The following WDR62 variants were observed in gnomAD, a reference collection of about 807,000 sequenced individuals.
WDR62 encodes the protein WD repeat-containing protein 62.
Under a neutral mutation model 160.6 loss-of-function variants are expected in WDR62, and 112 were observed. The observed-to-expected ratio is 0.70, with a 90% confidence interval of 0.60 to 0.82. The LOEUF (loss-of-function observed/expected upper bound fraction) is 0.82, where lower values mean the gene tolerates loss of function less well. Ranked by LOEUF, WDR62 falls within the 40% of genes least tolerant of loss-of-function variation. WDR62 has a pLI of 0.00. For missense variants in WDR62, 1,819 were observed against 1,983.8 expected, an observed-to-expected ratio of 0.92 and a Z score of 1.58; for synonymous variants, 792 against 815.1, an observed-to-expected ratio of 0.97 and a Z score of 0.48.
chr19:36,089,793 G>A (rs1972479082), intron 15 of WDR62, among the ~76,000 whole-genome samples: 1 of 152,210 alleles, frequency 6.6e-6, no homozygotes, highest in Admixed American at 6.5e-5. Flanking sequence ...TGGCCTCCAG[G>A]TCAGCAGAGG....
rs889987011 is a variant in WDR62 at position 36,093,126 on chromosome 19, T to A, written c.2333+315T>A. On this transcript the variant is annotated intron_variant, in intron 19 of 31. Transcript: ENST00000401500. ...TGCTGGGATCACAGGTGTGAGCCAC[T>A]GCACCCGGCTATGAGAAGGGTATTA... Among the ~76,000 whole-genome samples, 5 of 152,218 alleles carry A rather than the reference T, an allele frequency of 3.3e-5. No individual in the cohort carries two copies. The South Asian group carries it at 8.3e-4, about 25-fold the overall frequency.
chr19:36,094,199 T>C, intron 20 of WDR62, 35 bp downstream of exon 20: 1 of 1,609,146 alleles, frequency 6.2e-7, no homozygotes, highest in Non-Finnish European at 8.5e-7. Context: ...ACTATGTCAG[T>C]GTAGGGAATC....
chr19:36,088,962 C>G, intron 13 of WDR62, 76 bp from the exon 14 acceptor site: 1 of 1,516,078 alleles, frequency 6.6e-7, no homozygotes, highest in Non-Finnish European at 9.1e-7. Flanking sequence ...ATGGCTCTTG[C>G]AGTGGAGTTC....
chr19:36,062,649 C>CAAAAAAAAAAAAAAAAAA (rs1167386837), intron 3 of WDR62: 2 of 39,460 alleles, frequency 5.1e-5, no homozygotes, highest in African/African-American at 2.4e-4. Context: ...GAGTCCGTCT[C>CAAAAAAAAAAAAAAAAAA]AAAAAAAAAA....
At chr19:36,093,493 C>T (rs1018732970) in intron 19 of WDR62, among the ~76,000 whole-genome samples, 2 of 152,172 alleles carry the variant, frequency 1.3e-5, no homozygotes, top group African/African-American at 2.4e-5. Flanking sequence ...TTCTTCTCTT[C>T]TGCTGCTGGG....
downstream of WDR62, among the ~76,000 whole-genome samples, chr19:36,109,164 C>A (rs1304044765): frequency 3.3e-5 from 5 of 152,170 alleles, no homozygotes; most frequent in African/African-American, 1.2e-4. Flanking sequence ...AAGAAATACT[C>A]CTCTCACCAG....
Position 36,055,040 on chromosome 19 carries a change from G to T in WDR62, c.69G>T (p.Ala23=). The change falls in exon 1 of 32, where the codon GCG becomes GCT. Residue 23 remains alanine, a synonymous_variant. Coordinates refer to ENST00000401500, the MANE Select transcript of WDR62 (RefSeq NM_001083961.2). ...DAGEKLPSVM[A]GVPARRGQSS... is the part of the protein sequence containing the mutation. ...GGGAGAAGCTGCCCTCTGTCATGGC[G>T]GGAGTTCCGGCGCGGAGGGGCCAGT... is the stretch of plus-strand genomic sequence containing the variant. 6.3e-7 allele frequency: 1 copy of T among 1,596,274 alleles called. No homozygotes were observed.
At chr19:36,090,144 G>A (rs1350099883) in intron 15 of WDR62, among the ~76,000 whole-genome samples, 5 of 152,220 alleles carry the variant, frequency 3.3e-5, no homozygotes, top group Non-Finnish European at 4.4e-5. Flanking sequence ...GAGCCAGGGG[G>A]AGGCAGAGAG....
chr19:36,106,992 G>T (rs570594722), downstream of WDR62, among the ~76,000 whole-genome samples: 4 of 152,256 alleles, frequency 2.6e-5, no homozygotes, highest in East Asian at 5.8e-4. Context: ...AAAGCTTGGT[G>T]TTCAGCCCCC....
At chr19:36,100,209 G>C (rs1032873019) in intron 22 of WDR62, among the ~76,000 whole-genome samples, 7 of 152,220 alleles carry the variant, frequency 4.6e-5, no homozygotes, top group African/African-American at 1.7e-4. Context: ...TGGGCTCTTA[G>C]AGGTGCCCGT....
At chr19:36,102,206 G>A (rs970554077) in intron 26 of WDR62, 55 bp downstream of exon 26, 3 of 1,613,184 alleles carry the variant, frequency 1.9e-6, no homozygotes, top group Admixed American at 3.3e-5. Context: ...CCTGGGCACA[G>A]CATTGGCGTC....
At chr19:36,099,671 G>GGGCCT in intron 22 of WDR62, 54 bp downstream of exon 22, 12 of 1,583,880 alleles carry the variant, frequency 7.6e-6, no homozygotes, top group South Asian at 1.1e-5. Context: ...GACGGCCCCA[G>GGGCCT]GGCCTGGCGC....
chr19:36,082,111 A>C (rs559801416), intron 10 of WDR62, among the ~76,000 whole-genome samples: 1 of 152,376 alleles, frequency 6.6e-6, no homozygotes, highest in African/African-American at 2.4e-5. Flanking sequence ...ATTAACGTCC[A>C]TGCCAGGTGC....
At position 36,104,767 on chromosome 19, in the gene WDR62, G is replaced by T; in HGVS notation, c.4312-1G>T. On this transcript the variant is annotated splice_acceptor_variant, in intron 31 of 31. Transcript: ENST00000401500. LOFTEE classifies it high-confidence loss of function. Reference sequence around the variant, plus strand: ...CCTGACAAGGCTGGCATCCCTTGCAGTTGGTCTCCAGTGGCCAGGTGGACA... The same window carrying T: ...CCTGACAAGGCTGGCATCCCTTGCATTTGGTCTCCAGTGGCCAGGTGGACA... The T allele has an allele frequency of 6.2e-7, 1 of 1,613,754 alleles. No homozygotes were observed.
Position 36,089,199 on chromosome 19 carries a change from A to G in WDR62, c.1851A>G (p.Leu617=). The G allele has an allele frequency of 5.6e-6, 9 of 1,614,174 alleles. No homozygotes were observed. The highest frequency in any genetic ancestry group is 6.8e-6 in the Non-Finnish European group (8 of 1,180,012). Residue 617 remains leucine (L), a synonymous_variant, in exon 15 of 32, where the codon CTA becomes CTG. Transcript: ENST00000401500. ...FRSAQQGSDG[L]HFVRTHHVAE... ...GGCCCTGCCAGGGTTCGGATGGACT[A>G]CACTTTGTCCGTACCCACCACGTAG...
chr19:36,091,537 G>C, intron 18 of WDR62, 72 bp downstream of exon 18: 1 of 1,480,328 alleles, frequency 6.8e-7, no homozygotes, highest in Non-Finnish European at 9.4e-7. Context: ...CCTGTGTAGA[G>C]AGCATTTCTA....
In WDR62 at chr19:36,097,049, C is replaced by T. The variant is rs587784547; in HGVS notation, c.2490C>T (p.Asn830=). The change falls in exon 21 of 32, where the codon AAC becomes AAT. Residue 830 remains asparagine, a synonymous_variant. Coordinates refer to ENST00000401500, the MANE Select transcript of WDR62 (RefSeq NM_001083961.2). ...CAGATCCTCGTTGCCTGCTAACCAA[C>T]GGCAAGCTGCCACTGTGGGCAAAGC... ...LDPDPRCLLT[N]GKLPLWAKRL... is the part of the protein sequence containing the mutation. 3.3e-5 allele frequency: 54 copies of T among 1,613,408 alleles called. No homozygotes were observed. The highest frequency in any genetic ancestry group is 4.4e-5 in the Non-Finnish European group (52 of 1,179,772).
At chr19:36,102,226 G>C in intron 26 of WDR62, 75 bp downstream of exon 26, 1 of 1,608,580 alleles carries the variant, frequency 6.2e-7, no homozygotes, top group Non-Finnish European at 8.5e-7. Flanking sequence ...CCCTGGAGTT[G>C]GCTCCCCAGC....
intron 21 of WDR62, 26 bp downstream of exon 21, chr19:36,097,105 C>T (rs1568363042): frequency 1.2e-6 from 2 of 1,612,562 alleles, no homozygotes; most frequent in East Asian, 4.5e-5. Context: ...GAGGGTTGCT[C>T]AGGGGCTGGC....
Sources: allele counts gnomAD v4.1 joint callset (sites outside exome capture counted in the v4.1 genomes callset), GRCh38; gene constraint gnomAD v4.1.1; transcripts MANE v1.5; gene names NCBI Gene and HGNC (gene_info 2026-07-23, HGNC 2026-07-21).